Variants in LRRC24 observed in about 807,000 individuals in gnomAD.
LRRC24 encodes leucine rich repeat containing 24.
LRRC24 carries 19 observed loss-of-function variants against 15.3 expected under a neutral mutation model. The observed-to-expected ratio is 1.25, with a 90% CI of 0.87 to 1.83. The LOEUF (loss-of-function observed/expected upper bound fraction) is 1.83. Ranked by LOEUF, LRRC24 falls within the 40% of genes most tolerant of loss-of-function variation. LRRC24 has a pLI of 0.00. For synonymous variants in LRRC24, 469 were observed against 359.6 expected (o/e 1.30, Z -3.44); for missense variants, 914 against 723.9 (o/e 1.26, Z -3.01).
intron 4 of LRRC24, 129 bp downstream of exon 4, chr8:144,523,981 C>T: frequency 1.8e-6 from 2 of 1,101,286 alleles, no homozygotes; most frequent in Non-Finnish European, 2.6e-6. Context: ...TCCAGTGTGG[C>T]TGCAGGCGGT....
At chr8:144,523,459 G>T (rs1469132473) in intron 4 of LRRC24, 50 bp from the exon 5 acceptor site, 3 of 1,496,824 alleles carry the variant, frequency 2.0e-6, no homozygotes, top group South Asian at 1.3e-5. Context: ...TGCTAAAACA[G>T]CCTGTGCAGT....
rs771142950 is a variant in LRRC24, at chr8:144,522,706, C to A, written c.1311G>T (p.Gly437=). 3 of 1,596,572 alleles carry A rather than the reference C, an allele frequency of 1.9e-6. No homozygotes were observed. Among genetic ancestry groups the A allele is most frequent in the Non-Finnish European group, 2.6e-6 (3 of 1,172,722 alleles). The change falls in exon 5 of 5, where the codon GGG becomes GGT. Residue 437 remains glycine, a synonymous_variant. Coordinates refer to ENST00000529415, the MANE Select transcript of LRRC24 (RefSeq NM_001024678.4). ...CGAACAGCGCTCCCTCCCCCGGAGG[C>A]CCCCGCGCCTTTTTTCGCCTGCGGC... ...RRRRRRKKAR[G]PPGEGALFVN... is the part of the protein sequence containing the mutation.
chr8:144,522,569 C>G lies in LRRC24; in HGVS notation c.1448G>C (p.Gly483Ala). Residue 483 changes from glycine (G) to alanine (A), a missense_variant, in exon 5 of 5, where the codon GGT becomes GCT. Transcript: ENST00000529415. The part of the protein sequence containing the change: ...INRSKPLFAE[G>A]PAEAPADCGP... ...GCAGTCAGCGGGCGCCTCCGCCGGA[C>G]CCTCGGCGAAGAGCGGCTTGGAGCG... The G allele has an allele frequency of 1.3e-6, 2 of 1,552,830 alleles. No individual in the cohort carries two copies. The highest frequency in any genetic ancestry group is 8.7e-7 in the Non-Finnish European group (1 of 1,151,680).
At position 144,524,681 on chromosome 8, in the gene LRRC24, C is replaced by T. The variant is rs1816289456; in HGVS notation, c.198G>A (p.Glu66=). The T allele has an allele frequency of 1.4e-6, 2 of 1,475,822 alleles. No individual in the cohort carries two copies. Among genetic ancestry groups the T allele is most frequent in the Non-Finnish European group, 1.8e-6 (2 of 1,124,298 alleles). The allele number at this position is 1,475,822 out of a possible 1,614,324, so 91.4% of individuals were successfully genotyped here. ...CGGCGAGTGGCGCCAGGGCTCCCGG[C>T]TCTAGGCGGGCGATGTTGTTGTCCT... is the stretch of plus-strand genomic sequence containing the variant. ...FLQDNNIARL[E]PGALAPLAAL... Residue 66 remains glutamate, a synonymous_variant, in exon 3 of 5, where the codon GAG becomes GAA. Transcript: ENST00000529415.
chr8:144,524,893 G>A lies in LRRC24; in HGVS notation c.82C>T (p.Arg28Cys). Residue 28 changes from arginine to cysteine, a missense_variant, in exon 2 of 5, where the codon CGC (arginine) becomes TGC (cysteine). Transcript: ENST00000529415. ...CACTCCACCGTGGCGCTGTAGCAGCGGCAGGCTGCTGGGCAGCCGGCGGCG... is the reference window on the plus strand; with the variant it reads ...CACTCCACCGTGGCGCTGTAGCAGCAGCAGGCTGCTGGGCAGCCGGCGGCG... ...LRAAGCPAACRCYSATVECGA... is the reference protein window; with the variant it reads ...LRAAGCPAACCCYSATVECGA... 1 of 1,515,080 alleles carries A rather than the reference G, an allele frequency of 6.6e-7. No homozygotes were observed. Among genetic ancestry groups the A allele is most frequent in the Non-Finnish European group, 8.8e-7 (1 of 1,133,418 alleles). The allele number at this position is 1,515,080 out of a possible 1,614,324, so 93.9% of individuals were successfully genotyped here.
chr8:144,524,945 C>G lies in LRRC24; in HGVS notation c.30G>C (p.Pro10=), dbSNP rs933801270. 5 of 1,505,530 alleles carry G rather than the reference C, an allele frequency of 3.3e-6. No individual in the cohort carries two copies. The South Asian group carries it at 6.1e-5, about 18-fold the overall frequency. 93.3% of individuals were successfully genotyped at this position (1,505,530 alleles called of 1,614,324 possible). The change falls in exon 2 of 5, where the codon CCG becomes CCC. Residue 10 remains proline (P), a synonymous_variant. Coordinates refer to ENST00000529415, the MANE Select transcript of LRRC24 (RefSeq NM_001024678.4). MALRAPALL[P]LLLLLLPLRA... Reference sequence around the variant, plus strand: ...GGAGCGGCAGTAGTAGCAGCAGCAGCGGCAGCAGTGCGGGGGCCCTCAGGG... The same window carrying G: ...GGAGCGGCAGTAGTAGCAGCAGCAGGGGCAGCAGTGCGGGGGCCCTCAGGG...
chr8:144,524,596 G>T lies in LRRC24; in HGVS notation c.283C>A (p.Arg95Ser). 1 of 1,528,910 alleles carries T rather than the reference G, an allele frequency of 6.5e-7. No individual in the cohort carries two copies. The highest frequency in any genetic ancestry group is 1.2e-5 in the South Asian group (1 of 83,468). 94.7% of individuals were successfully genotyped at this position (1,528,910 alleles called of 1,614,324 possible). The change falls in exon 3 of 5, where the codon CGC (arginine) becomes AGC (serine). Residue 95 changes from arginine to serine, a missense_variant. By Grantham distance (110) the Arg-to-Ser change is moderately radical. Coordinates refer to ENST00000529415, the MANE Select transcript of LRRC24 (RefSeq NM_001024678.4). The part of the protein sequence containing the change: ...SLRALEAGAF[R>S]AQPRLLELAL... ...AGCTCCAGCAGGCGCGGCTGCGCGC[G>T]GAAGGCGCCGGCCTCCAGGGCGCGC...
chr8:144,523,390 G>A lies in LRRC24; in HGVS notation c.627C>T (p.Asp209=). ...AGGCACCCAGCCAGTGCAGGGCGCA[G>A]TCACAGCGCCATGGGTTCTCTGTGG... is the stretch of plus-strand genomic sequence containing the variant. ...LRLTENPWRC[D]CALHWLGAWI... Residue 209 remains aspartate (D), a synonymous_variant, in exon 5 of 5, where the codon GAC becomes GAT. Coordinates refer to ENST00000529415, the MANE Select transcript of LRRC24 (RefSeq NM_001024678.4). 6.5e-7 allele frequency: 1 copy of A among 1,542,422 alleles called. No homozygotes were observed. Among genetic ancestry groups the A allele is most frequent in the Non-Finnish European group, 8.7e-7 (1 of 1,144,298 alleles).
In LRRC24 at chr8:144,523,035, C is replaced by G. The variant is rs1193722919; in HGVS notation, c.982G>C (p.Gly328Arg). The change falls in exon 5 of 5, where the codon GGC (glycine) becomes CGC (arginine). Residue 328 changes from glycine (G) to arginine (R), a missense_variant. Physicochemically the swap from Gly to Arg is moderately radical, Grantham distance 125. Coordinates refer to ENST00000529415, the MANE Select transcript of LRRC24 (RefSeq NM_001024678.4). ...GTGATGTTGCTGAGGAAGAGCATGC[C>G]GCTGCCCGTGTCGGATGCCGAGTGT... ...GGHSASDTGS[G>R]MLFLSNITLA... is the part of the protein sequence containing the mutation. 1.9e-6 allele frequency: 3 copies of G among 1,601,568 alleles called. No homozygotes were observed. Among genetic ancestry groups the G allele is most frequent in the Admixed American group, 1.7e-5 (1 of 59,204 alleles).
chr8:144,522,841 G>A lies in LRRC24; in HGVS notation c.1176C>T (p.Gly392=), dbSNP rs1229201853. 1.5e-5 allele frequency: 21 copies of A among 1,374,030 alleles called. No homozygotes were observed. Among genetic ancestry groups the A allele is most frequent in the Non-Finnish European group, 1.9e-5 (20 of 1,066,216 alleles). 85.1% of individuals were successfully genotyped at this position (1,374,030 alleles called of 1,614,324 possible). ...CGCCCAGGGCGCGGAAGGCCATGCT[G>A]CCCGCCTCGGGCCGGGGCTCGCTGC... ...PAGSEPRPEA[G]SMAFRALGVA... is the part of the protein sequence containing the mutation. The change falls in exon 5 of 5, where the codon GGC becomes GGT. Residue 392 remains glycine (G), a synonymous_variant. Transcript: ENST00000529415.
Position 144,523,577 on chromosome 8 carries a change from G to A in LRRC24, c.608-168C>T, listed in dbSNP as rs924964549. 2.6e-5 allele frequency: 29 copies of A among 1,112,142 alleles called. No individual in the cohort carries two copies. In the East Asian group the frequency reaches 4.6e-4, roughly 18 times the overall value. 68.9% of individuals were successfully genotyped at this position (1,112,142 alleles called of 1,614,324 possible). ...TCCTTGACCCCAAGCTCCTTGGGGCGGCAGGCCCTTCACCCTCGCCCCCCT... is the reference window on the plus strand; with the variant it reads ...TCCTTGACCCCAAGCTCCTTGGGGCAGCAGGCCCTTCACCCTCGCCCCCCT... On this transcript the variant is annotated intron_variant, in intron 4 of 4. Transcript: ENST00000529415.
At chr8:144,525,163 T>C in intron 1 of LRRC24, 130 bp from the exon 2 acceptor site, 1 of 560,592 alleles carries the variant, frequency 1.8e-6, no homozygotes, top group Non-Finnish European at 2.7e-6. Context: ...GTTCTGGTTT[T>C]CTCCTTTGAC....
intron 4 of LRRC24, chr8:144,523,724 CAT>C: frequency 2.4e-6 from 1 of 416,518 alleles, no homozygotes. Context: ...TGGGCGTCCA[CAT>C]AGACATCTCA....
chr8:144,524,311 G>GGGCGCCGAGGTTGGGGGC lies in LRRC24; in HGVS notation c.439-51_439-34dup, dbSNP rs1816261636. The GGGCGCCGAGGTTGGGGGC allele has an allele frequency of 1.9e-6, 3 of 1,605,832 alleles. No homozygotes were observed. The African/African-American group carries it at 4.0e-5, about 21-fold the overall frequency. On this transcript the variant is annotated intron_variant, in intron 3 of 4. Coordinates refer to ENST00000529415, the MANE Select transcript of LRRC24 (RefSeq NM_001024678.4). ...AAGGACAGCAGATCGTGAGGAAAAA[G>GGGCGCCGAGGTTGGGGGC]GGCGCCGAGGTTGGGGGCATGTCTC...
chr8:144,524,032 G>A (rs1431676002), intron 4 of LRRC24, 78 bp downstream of exon 4: 2 of 1,505,234 alleles, frequency 1.3e-6, no homozygotes, highest in Non-Finnish European at 9.0e-7. Context: ...CCTGATGTCA[G>A]AGCCCCTCCA....
At position 144,522,660 on chromosome 8, in the gene LRRC24, G is replaced by C. The variant is rs1202712919; in HGVS notation, c.1357C>G (p.Pro453Ala). 2 of 1,592,464 alleles carry C rather than the reference G, an allele frequency of 1.3e-6. No individual in the cohort carries two copies. Residue 453 changes from proline to alanine, a missense_variant, in exon 5 of 5, where the codon CCC becomes GCC. Pro to Ala is a conservative substitution (Grantham distance 27). Transcript: ENST00000529415. ...ALFVNDYLDG[P>A]CTFAQLEELR... ...TCCTCTAGCTGTGCGAACGTACAGG[G>C]GCCGTCCAAGTAGTCGTTGACGAAC...
intron 3 of LRRC24, 26 bp from the exon 4 acceptor site, chr8:144,524,304 G>A (rs1240403490): frequency 1.2e-6 from 2 of 1,608,000 alleles, no homozygotes; most frequent in Non-Finnish European, 1.7e-6. Flanking sequence ...CAGATCGTGA[G>A]GAAAAAGGGC....
Position 144,525,022 on chromosome 8 carries a change from A to G in LRRC24, c.-48T>C. The stretch of plus-strand genomic sequence containing the variant: ...CGGCCCTTCCGCGGTTCAGCCGCAG[A>G]CGCGTGCCCTCCTGAAACACAGGTT... On this transcript the variant is annotated 5_prime_UTR_variant, in exon 2 of 5. Coordinates refer to ENST00000529415, the MANE Select transcript of LRRC24 (RefSeq NM_001024678.4). The G allele has an allele frequency of 1.4e-6, 2 of 1,385,408 alleles. No individual in the cohort carries two copies. Among genetic ancestry groups the G allele is most frequent in the Non-Finnish European group, 1.9e-6 (2 of 1,073,274 alleles). 85.8% of individuals were successfully genotyped at this position (1,385,408 alleles called of 1,614,324 possible).
In LRRC24 at chr8:144,524,298, T is replaced by C; in HGVS notation, c.439-20A>G. On this transcript the variant is annotated intron_variant, in intron 3 of 4. Coordinates refer to ENST00000529415, the MANE Select transcript of LRRC24 (RefSeq NM_001024678.4). ...CAGTCGCTGAAGTAAGGACAGCAGATCGTGAGGAAAAAGGGCGCCGAGGTT... is the reference window on the plus strand; with the variant it reads ...CAGTCGCTGAAGTAAGGACAGCAGACCGTGAGGAAAAAGGGCGCCGAGGTT... The C allele has an allele frequency of 6.2e-7, 1 of 1,609,414 alleles. No individual in the cohort carries two copies. Among genetic ancestry groups the C allele is most frequent in the East Asian group, 2.2e-5 (1 of 44,878 alleles).
Sources: allele counts gnomAD v4.1 joint callset, GRCh38; gene constraint gnomAD v4.1.1; transcripts MANE v1.5; gene names NCBI Gene and HGNC (gene_info 2026-07-23, HGNC 2026-07-21).